Variants in NOL11 observed in about 807,000 individuals in gnomAD.
NOL11 encodes nucleolar protein 11.
NOL11 carries 42 observed loss-of-function variants against 93.0 expected under a neutral mutation model. That is an observed-to-expected ratio of 0.45 (90% confidence interval 0.35 to 0.58). The LOEUF (loss-of-function observed/expected upper bound fraction) is 0.58, where lower values mean the gene tolerates loss of function less well. Ranked by LOEUF, NOL11 falls within the 20% of genes least tolerant of loss-of-function variation. NOL11 has a pLI of 0.00. For synonymous variants in NOL11, 296 were observed against 293.7 expected, an observed-to-expected ratio of 1.01 and a Z score of -0.08; for missense variants, 775 against 841.8, an observed-to-expected ratio of 0.92 and a Z score of 0.98.
Position 67,737,779 on chromosome 17 carries a change from G to T in NOL11, c.1404-68G>T, listed in dbSNP as rs377673303. On this transcript the variant is annotated intron_variant, in intron 12 of 17. Transcript: ENST00000253247. ...TCTAATCTTCTGAAACTCTCAAAAG[G>T]CTTATAAATGTTCTGCAGTTGAGAA... 10 of 1,582,816 alleles carry T rather than the reference G, an allele frequency of 6.3e-6. No homozygotes were observed. The East Asian group carries it at 6.7e-5, about 11-fold the overall frequency.
In NOL11 at chr17:67,734,374, G is replaced by C. The variant is rs753601468; in HGVS notation, c.865G>C (p.Val289Leu). 1.3e-6 allele frequency: 2 copies of C among 1,592,770 alleles called. No individual in the cohort carries two copies. Among genetic ancestry groups the C allele is most frequent in the East Asian group, 2.2e-5 (1 of 44,784 alleles). ...PLAASKECLSVWNIKFQTLQT... is the reference protein window; with the variant it reads ...PLAASKECLSLWNIKFQTLQT... ...GTCTTATTTTATAGAATGCCTCTCT[G>C]TATGGAACATAAAATTTCAAACACT... Residue 289 changes from valine to leucine, a missense_variant, in exon 8 of 18, where the codon GTA becomes CTA. Val to Leu is a conservative substitution (Grantham distance 32, BLOSUM62 1). This residue lies in a region of NOL11 where 416 missense variants were observed against 525.2 expected (regional missense o/e 0.79). Transcript: ENST00000253247.
chr17:67,737,428 A>G (rs2055212309), intron 11 of NOL11, 80 bp from the exon 12 acceptor site: 2 of 1,185,276 alleles, frequency 1.7e-6, no homozygotes, highest in African/African-American at 3.1e-5. Flanking sequence ...CATTTGAGAA[A>G]ATGTTGTGCT....
chr17:67,722,597 T>G lies in NOL11; in HGVS notation c.479T>G (p.Val160Gly), dbSNP rs752280263. Residue 160 changes from valine (V) to glycine (G), a missense_variant, in exon 5 of 18, where the codon GTA (valine) becomes GGA (glycine). Val to Gly is a moderately radical substitution (Grantham distance 109). This residue lies in a region of NOL11 where 359 missense variants were observed against 316.5 expected (regional missense o/e 1.13). Transcript: ENST00000253247. ...TTTTGTAGATGGACAAAGTTTTTCG[T>G]AGTATTCAGACATCCTGTTTTAATT... is the stretch of plus-strand genomic sequence containing the variant. ...EEVIKWTKFF[V>G]VFRHPVLIFI... 6.3e-7 allele frequency: 1 copy of G among 1,576,052 alleles called. No individual in the cohort carries two copies.
chr17:67,738,090 G>A, intron 13 of NOL11, 32 bp from the exon 14 acceptor site: 1 of 1,576,322 alleles, frequency 6.3e-7, no homozygotes, highest in Non-Finnish European at 8.7e-7. Context: ...TGGTGATAAG[G>A]ATTAACCTCT....
chr17:67,725,884 A>T (rs922359750), intron 6 of NOL11, among the ~76,000 whole-genome samples: 1 of 152,210 alleles, frequency 6.6e-6, no homozygotes, highest in Admixed American at 6.5e-5. Flanking sequence ...GTTGGAGACC[A>T]GCCTGGGCAA....
chr17:67,721,969 T>C (rs1275216135), intron 4 of NOL11, among the ~76,000 whole-genome samples: 1 of 152,226 alleles, frequency 6.6e-6, no homozygotes, highest in Non-Finnish European at 1.5e-5. Context: ...ATCTTTCTGA[T>C]ACTCTTTATT....
intron 1 of NOL11, chr17:67,719,417 C>T (rs980648895): frequency 3.9e-5 from 10 of 256,142 alleles, no homozygotes; most frequent in South Asian, 1.7e-4. Context: ...CACGCCACCA[C>T]GCCCGGCTAA....
At position 67,722,633 on chromosome 17, in the gene NOL11, A is replaced by C. The variant is rs1161020728; in HGVS notation, c.515A>C (p.Glu172Ala). Residue 172 changes from glutamate (E) to alanine (A), a missense_variant, in exon 5 of 18, where the codon GAA (glutamate) becomes GCA (alanine). Glu to Ala is a moderately radical substitution (Grantham distance 107). Coordinates refer to ENST00000253247, the MANE Select transcript of NOL11 (RefSeq NM_015462.5). ...FRHPVLIFIT[E>A]KHGNYFAYVQ... is the part of the protein sequence containing the mutation. The stretch of plus-strand genomic sequence containing the variant: ...CATCCTGTTTTAATTTTTATTACTG[A>C]AAAAGTAAGTGATATCTTCAATTCC... 6.4e-7 allele frequency: 1 copy of C among 1,569,002 alleles called. No individual in the cohort carries two copies. The highest frequency in any genetic ancestry group is 8.6e-7 in the Non-Finnish European group (1 of 1,166,860).
At chr17:67,737,430 T>C (rs2143132677) in intron 11 of NOL11, 78 bp from the exon 12 acceptor site, 1 of 1,192,628 alleles carries the variant, frequency 8.4e-7, no homozygotes, top group South Asian at 1.5e-5. Context: ...TTTGAGAAAA[T>C]GTTGTGCTAG....
At position 67,726,585 on chromosome 17, in the gene NOL11, G is replaced by A. The variant is rs2055096056; in HGVS notation, c.790G>A (p.Ala264Thr). The change falls in exon 7 of 18, where the codon GCA (alanine) becomes ACA (threonine). Residue 264 changes from alanine (A) to threonine (T), a missense_variant. Coordinates refer to ENST00000253247, the MANE Select transcript of NOL11 (RefSeq NM_015462.5). The stretch of plus-strand genomic sequence containing the variant: ...ATCTGGTAACGCTCGAAATGGAGTT[G>A]CACTCACTGCCCTGGATCAGGATCA... Reference protein sequence around the residue: ...VVSGNARNGVALTALDQDHVA... With the variant: ...VVSGNARNGVTLTALDQDHVA... The A allele has an allele frequency of 1.2e-6, 2 of 1,613,858 alleles. No homozygotes were observed. The highest frequency in any genetic ancestry group is 8.5e-7 in the Non-Finnish European group (1 of 1,179,990).
At chr17:67,726,726 TC>T in intron 7 of NOL11, 78 bp downstream of exon 7, 1 of 1,131,508 alleles carries the variant, frequency 8.8e-7, no homozygotes, top group Non-Finnish European at 1.2e-6. Context: ...CTTTTCTTTT[TC>T]ATTTCGTTAT....
At chr17:67,742,057 A>G (rs949931403) in intron 16 of NOL11, among the ~76,000 whole-genome samples, 3 of 152,234 alleles carry the variant, frequency 2.0e-5, no homozygotes, top group African/African-American at 7.2e-5. Flanking sequence ...ATTCTTGTAT[A>G]TTTATGAGAA....
rs572085881 is a variant in NOL11, at chr17:67,735,932, A to G, written c.963A>G (p.Leu321=). The part of the protein sequence containing the change: ...LWYYGEHLFM[L]HGKSLTVIPY... ...ATTATGGAGAACATTTGTTTATGCTACATGGAAAATCTCTAACTGTGATTC... is the reference window on the plus strand; with the variant it reads ...ATTATGGAGAACATTTGTTTATGCTGCATGGAAAATCTCTAACTGTGATTC... Residue 321 remains leucine (L), a synonymous_variant, in exon 9 of 18, where the codon CTA becomes CTG. Transcript: ENST00000253247. The G allele has an allele frequency of 9.9e-6, 16 of 1,611,482 alleles. No individual in the cohort carries two copies. The Admixed American group carries it at 2.2e-4, about 22-fold the overall frequency.
intron 6 of NOL11, among the ~76,000 whole-genome samples, chr17:67,725,058 C>T (rs1357961013): frequency 2.6e-5 from 4 of 151,996 alleles, no homozygotes; most frequent in East Asian, 1.9e-4. Flanking sequence ...ACTCGAGACT[C>T]GTCTCAACAA....
In NOL11 at chr17:67,717,941, G is replaced by C. The variant is rs1211391676; in HGVS notation, c.-7G>C. The C allele has an allele frequency of 1.2e-6, 2 of 1,614,070 alleles. No homozygotes were observed. The highest frequency in any genetic ancestry group is 1.7e-6 in the Non-Finnish European group (2 of 1,179,924). On this transcript the variant is annotated 5_prime_UTR_variant, in exon 1 of 18. Transcript: ENST00000253247. ...AGTGAGCGCGGCCGTACTTAGGTTT[G>C]CTCAAAATGGCAGCGCTGGAGGAAG...
At chr17:67,722,154 T>G (rs1209159789) in intron 4 of NOL11, among the ~76,000 whole-genome samples, 1 of 152,236 alleles carries the variant, frequency 6.6e-6, no homozygotes. Flanking sequence ...GGGAAATCCT[T>G]GGAGGATTTG....
rs533268773 is a variant in NOL11 at position 67,722,573 on chromosome 17, T to C, written c.462-7T>C. On this transcript the variant is annotated splice_region_variant and splice_polypyrimidine_tract_variant and intron_variant, in intron 4 of 17. Transcript: ENST00000253247. ...TCCTATAATTTTTCTTTTTTCTTTTTTTGTAGATGGACAAAGTTTTTCGTA... is the reference window on the plus strand; with the variant it reads ...TCCTATAATTTTTCTTTTTTCTTTTCTTGTAGATGGACAAAGTTTTTCGTA... 1.3e-6 allele frequency: 2 copies of C among 1,569,056 alleles called. No homozygotes were observed. Among genetic ancestry groups the C allele is most frequent in the Admixed American group, 4.2e-5 (2 of 47,912 alleles).
Position 67,726,498 on chromosome 17 carries a change from C to T in NOL11, c.703C>T (p.Arg235Cys), listed in dbSNP as rs545577983. The change falls in exon 7 of 18, where the codon CGT (arginine) becomes TGT (cysteine). Residue 235 changes from arginine (R) to cysteine (C), a missense_variant. Physicochemically the swap from Arg to Cys is radical, Grantham distance 180 (BLOSUM62 -3). This residue lies in a region of NOL11 where 359 missense variants were observed against 316.5 expected (regional missense o/e 1.13). Coordinates refer to ENST00000253247, the MANE Select transcript of NOL11 (RefSeq NM_015462.5). The part of the protein sequence containing the change: ...GCIYETLIPI[R>C]PADPEKNQSL... ...TATATATGAAACCTTGATACCAATA[C>T]GTCCAGCTGACCCAGAAAAAAATCA... 1.2e-5 allele frequency: 19 copies of T among 1,613,690 alleles called. No homozygotes were observed. Among genetic ancestry groups the T allele is most frequent in the Middle Eastern group, 1.7e-4 (1 of 6,042 alleles).
At chr17:67,736,608 A>G in intron 9 of NOL11, 58 bp from the exon 10 acceptor site, 1 of 1,072,622 alleles carries the variant, frequency 9.3e-7, no homozygotes, top group Non-Finnish European at 1.4e-6. Flanking sequence ...TTGATTGTTT[A>G]GTTGGGCAAA....
Sources: gnomAD v4.1 joint callset for allele counts (sites outside exome capture counted in the v4.1 genomes callset) on GRCh38, gnomAD v4.1.1 for gene constraint, gnomAD v4.1.1 regional missense constraint, MANE v1.5 for transcripts, NCBI Gene and HGNC (gene_info 2026-07-23, HGNC 2026-07-21) for gene names.